DNAH6: variants seen among roughly 807,000 people sequenced by gnomAD.
The protein encoded by DNAH6 is dynein axonemal heavy chain 6.
A neutral mutation model predicts 491.4 loss-of-function variants in DNAH6; 340 were observed. That is an observed-to-expected ratio of 0.69 (90% confidence interval 0.63 to 0.76). DNAH6 has a LOEUF of 0.76. Ranked by LOEUF, DNAH6 falls within the 30% of genes least tolerant of loss-of-function variation. The probability of loss-of-function intolerance (pLI) is 0.00; values close to 1 mark genes in which losing one functional copy is unlikely to be tolerated. For missense variants in DNAH6, 4,443 were observed against 4,972.2 expected (o/e 0.89, Z 3.20); for synonymous variants, 1,603 against 1,686.1 (o/e 0.95, Z 1.21).
At chr2:84,598,885 C>T (rs1252910568) in intron 18 of DNAH6, among the ~76,000 whole-genome samples, 1 of 152,012 alleles carries the variant, frequency 6.6e-6, no homozygotes, top group African/African-American at 2.4e-5. Context: ...CAAAAATTAG[C>T]TGGGCGTGGT....
At chr2:84,760,482 T>TA (rs1035025601) in intron 63 of DNAH6, among the ~76,000 whole-genome samples, 5 of 151,680 alleles carry the variant, frequency 3.3e-5, no homozygotes, top group African/African-American at 1.2e-4. Context: ...ATAATCCAAT[T>TA]AAAAAACAGG....
chr2:84,817,248 T>C (rs948479291), intron 76 of DNAH6, among the ~76,000 whole-genome samples: 21 of 151,792 alleles, frequency 1.4e-4, no homozygotes, highest in Admixed American at 2.0e-4. Flanking sequence ...ATGCTGGAAC[T>C]GAAATCCCAG....
intron 33 of DNAH6, among the ~76,000 whole-genome samples, chr2:84,645,506 A>C (rs1358587725): frequency 6.6e-6 from 1 of 151,018 alleles, no homozygotes; most frequent in South Asian, 2.1e-4. Flanking sequence ...TCTATTGATC[A>C]GTAATGTTGA....
intron 4 of DNAH6, among the ~76,000 whole-genome samples, chr2:84,537,273 C>G (rs866381634): frequency 6.6e-6 from 1 of 151,928 alleles, no homozygotes; most frequent in Admixed American, 6.6e-5. Context: ...TTATAAATAC[C>G]TTATGGGGAG....
At chr2:84,464,651 C>T in the DNAH6 span, among the ~76,000 whole-genome samples, 2 of 152,038 alleles carry the variant, frequency 1.3e-5, no homozygotes, top group South Asian at 2.1e-4. Context: ...CTTTTTAGAC[C>T]ATATAGGGTA....
chr2:84,580,641 T>C (rs963469910), intron 14 of DNAH6, among the ~76,000 whole-genome samples: 1 of 152,206 alleles, frequency 6.6e-6, no homozygotes, highest in Non-Finnish European at 1.5e-5. Context: ...CAAGAAATCG[T>C]GCCTTCTCAA....
intron 12 of DNAH6, among the ~76,000 whole-genome samples, chr2:84,573,854 G>A (rs543642366): frequency 8.5e-5 from 13 of 152,250 alleles, no homozygotes; most frequent in Non-Finnish European, 1.2e-4. Flanking sequence ...AGTTGTATCA[G>A]TGCTAAGAGT....
chr2:84,553,200 T>C (rs79763441), intron 10 of DNAH6, among the ~76,000 whole-genome samples, 166 bp downstream of exon 10: 31 of 152,354 alleles, frequency 2.0e-4, no homozygotes, highest in Non-Finnish European at 3.1e-4. Flanking sequence ...ATATATAAAC[T>C]ATCTAAAAGT....
chr2:84,622,470 G>T (rs142049653), intron 26 of DNAH6, among the ~76,000 whole-genome samples: 2 of 152,028 alleles, frequency 1.3e-5, no homozygotes, highest in Non-Finnish European at 2.9e-5. Context: ...GCTCAGGCTG[G>T]TCTCAAAAGC....
In DNAH6 at chr2:84,577,412, A is replaced by C. The variant is rs1363352073; in HGVS notation, c.2076+4A>C. On this transcript the variant is annotated splice_donor_region_variant and intron_variant, in intron 13 of 76. Transcript: ENST00000389394. ...ATCACCTTTGCGATGCTTAGAGGTA[A>C]CTATAAACTAGAAAAAAAAATAATT... 6.4e-7 allele frequency: 1 copy of C among 1,559,068 alleles called. No homozygotes were observed.
At chr2:84,486,074 A>G in the DNAH6 span, among the ~76,000 whole-genome samples, 1 of 152,192 alleles carries the variant, frequency 6.6e-6, no homozygotes, top group African/African-American at 2.4e-5. Flanking sequence ...TTTGCCAATG[A>G]TATCAACTTT....
chr2:84,670,470 T>C lies in DNAH6; in HGVS notation c.6449T>C (p.Ile2150Thr), dbSNP rs964492369. 9 of 1,523,318 alleles carry C rather than the reference T, an allele frequency of 5.9e-6. No homozygotes were observed. Among genetic ancestry groups the C allele is most frequent in the Non-Finnish European group, 8.0e-6 (9 of 1,131,922 alleles). 94.4% of individuals were successfully genotyped at this position (1,523,318 alleles called of 1,614,324 possible). The part of the protein sequence containing the change: ...ESKLERKRKN[I>T]LGAPGNKRIV... ...AAACTGGAGAGAAAAAGAAAAAATA[T>C]TCTAGGTAAGAATCATTATTTTAGT... The change falls in exon 39 of 77, where the codon ATT becomes ACT. Residue 2150 changes from isoleucine to threonine, a missense_variant. Ile to Thr is a moderately conservative substitution (Grantham distance 89). Transcript: ENST00000389394.
chr2:84,474,667 T>C, the DNAH6 span, among the ~76,000 whole-genome samples: 1 of 152,226 alleles, frequency 6.6e-6, no homozygotes, highest in Non-Finnish European at 1.5e-5. Flanking sequence ...GATGAAATGA[T>C]AGGCTGAATT....
intron 4 of DNAH6, among the ~76,000 whole-genome samples, chr2:84,531,843 C>T (rs567564375): frequency 6.6e-6 from 1 of 151,794 alleles, no homozygotes; most frequent in South Asian, 2.1e-4. Flanking sequence ...TAAAAAAAAC[C>T]CTTAATAATA....
chr2:84,677,084 G>A lies in DNAH6; in HGVS notation c.6692G>A (p.Ser2231Asn), dbSNP rs1693307855. ...ACTCCCCGCTTCATCAGACACTTCAGCATGCTGTGCCTCCCAATGCCCTCA... is the reference window on the plus strand; with the variant it reads ...ACTCCCCGCTTCATCAGACACTTCAACATGCTGTGCCTCCCAATGCCCTCA... Reference protein sequence around the residue: ...PVTPRFIRHFSMLCLPMPSEH... With the variant: ...PVTPRFIRHFNMLCLPMPSEH... Residue 2231 changes from serine to asparagine, a missense_variant, in exon 41 of 77, where the codon AGC becomes AAC. Physicochemically the swap from Ser to Asn is conservative, Grantham distance 46 (BLOSUM62 1). Coordinates refer to ENST00000389394, the MANE Select transcript of DNAH6 (RefSeq NM_001370.2). The A allele has an allele frequency of 6.4e-7, 1 of 1,551,720 alleles. No individual in the cohort carries two copies. Among genetic ancestry groups the A allele is most frequent in the Non-Finnish European group, 8.7e-7 (1 of 1,146,970 alleles).
intron 71 of DNAH6, among the ~76,000 whole-genome samples, chr2:84,808,131 A>ATATGTGTGTGTG (rs369348036): frequency 8.7e-4 from 123 of 141,256 alleles, no homozygotes; most frequent in African/African-American, 3.2e-3. Context: ...GTGTATATAT[A>ATATGTGTGTGTG]TGTGTGTGTG....
chr2:84,682,567 C>T (rs112896931), intron 42 of DNAH6, among the ~76,000 whole-genome samples: 2 of 152,126 alleles, frequency 1.3e-5, no homozygotes, highest in African/African-American at 4.8e-5. Context: ...CTCAGGCATC[C>T]AGCTGGCCTG....
intron 16 of DNAH6, among the ~76,000 whole-genome samples, chr2:84,590,458 G>A (rs1056637369): frequency 8.8e-5 from 12 of 135,656 alleles, no homozygotes; most frequent in Admixed American, 6.9e-4. Context: ...TCGTGCCACC[G>A]CACTCCAGCC....
At chr2:84,512,540 T>G (rs538363760), upstream of DNAH6, among the ~76,000 whole-genome samples, 1 of 152,352 alleles carries the variant, frequency 6.6e-6, no homozygotes, top group South Asian at 2.1e-4. Context: ...TTCCAACATA[T>G]GAACTTCAGG....
Sources: gnomAD v4.1 joint callset for allele counts (sites outside exome capture counted in the v4.1 genomes callset) on GRCh38, gnomAD v4.1.1 for gene constraint, MANE v1.5 for transcripts, NCBI Gene and HGNC (gene_info 2026-07-23, HGNC 2026-07-21) for gene names.